The following CFAP299 variants were observed in gnomAD, a reference collection of about 807,000 sequenced individuals.
CFAP299 encodes the protein cilia- and flagella-associated protein 299.
A neutral mutation model predicts 27.0 loss-of-function variants in CFAP299; 21 were observed. The ratio of observed to expected loss-of-function variants is 0.78; its 90% CI spans 0.55 to 1.12. The LOEUF is 1.12. Among genes scored for constraint, CFAP299 ranks in the 50% most tolerant of loss-of-function variants. The pLI, the probability that CFAP299 is intolerant of heterozygous loss-of-function variation, is 0.00. For synonymous variants in CFAP299, 104 were observed against 98.1 expected, an observed-to-expected ratio of 1.06 and a Z score of -0.36; for missense variants, 310 against 276.6, an observed-to-expected ratio of 1.12 and a Z score of -0.86.
intron 3 of CFAP299, among the ~76,000 whole-genome samples, chr4:80,643,743 A>G (rs1739844088): frequency 6.6e-6 from 1 of 152,092 alleles, no homozygotes; most frequent in African/African-American, 2.4e-5. Flanking sequence ...CTGCTTAGGT[A>G]CCCCTTCACT....
intron 3 of CFAP299, among the ~76,000 whole-genome samples, chr4:80,713,669 A>G (rs146599167): frequency 0.011 from 1,634 of 152,292 alleles, 23 homozygotes; most frequent in African/African-American, 0.037. Context: ...ATGTTTAGAG[A>G]TAGTCACACA....
chr4:80,531,648 T>A (rs1733470139), intron 2 of CFAP299, among the ~76,000 whole-genome samples: 3 of 152,174 alleles, frequency 2.0e-5, no homozygotes. Flanking sequence ...TTCTGATTTG[T>A]TCAAGGTGGC....
chr4:80,942,089 G>C (rs1024580086), intron 4 of CFAP299, among the ~76,000 whole-genome samples: 3 of 152,154 alleles, frequency 2.0e-5, no homozygotes, highest in African/African-American at 7.2e-5. Flanking sequence ...TTTTTGATGG[G>C]CCCACACTAG....
At chr4:80,623,445 T>A (rs571017094) in intron 3 of CFAP299, among the ~76,000 whole-genome samples, 1 of 152,154 alleles carries the variant, frequency 6.6e-6, no homozygotes, top group Non-Finnish European at 1.5e-5. Flanking sequence ...TGGAACACGA[T>A]GGCAAAGTAG....
In CFAP299 at chr4:80,764,888, C is replaced by T. The variant is rs560307010; in HGVS notation, c.334-105105C>T. ...TCACTCATAAGTGGGAGTTGAACGACGAGAACACATGGACAAAGGAAGGGG... is the reference window on the plus strand; with the variant it reads ...TCACTCATAAGTGGGAGTTGAACGATGAGAACACATGGACAAAGGAAGGGG... On this transcript the variant is annotated intron_variant, in intron 3 of 5. Transcript: ENST00000358105. 2.0e-3 allele frequency among the ~76,000 whole-genome samples: 297 copies of T among 151,838 alleles called. 2 individuals are homozygous for T. The highest frequency in any genetic ancestry group is 2.5e-3 in the South Asian group (12 of 4,808).
intron 3 of CFAP299, among the ~76,000 whole-genome samples, chr4:80,735,585 CT>C (rs1723809271): frequency 6.6e-6 from 1 of 152,018 alleles, no homozygotes; most frequent in Non-Finnish European, 1.5e-5. Context: ...TCATATATGG[CT>C]TTTATTATGT....
chr4:80,659,483 G>GA (rs1217851988), intron 3 of CFAP299, among the ~76,000 whole-genome samples: 1 of 151,880 alleles, frequency 6.6e-6, no homozygotes, highest in African/African-American at 2.4e-5. Context: ...AAATAATAGG[G>GA]AAAAATCTTA....
intron 3 of CFAP299, among the ~76,000 whole-genome samples, chr4:80,858,957 G>C (rs1259397405): frequency 6.6e-6 from 1 of 151,958 alleles, no homozygotes; most frequent in African/African-American, 2.4e-5. Context: ...TCAATTCCTG[G>C]GTATCCTTGT....
intron 3 of CFAP299, among the ~76,000 whole-genome samples, chr4:80,666,311 A>G (rs1014761404): frequency 6.6e-6 from 1 of 151,876 alleles, no homozygotes; most frequent in Non-Finnish European, 1.5e-5. Context: ...AGCCTGCTCT[A>G]CCTCTTCCTT....
intron 3 of CFAP299, among the ~76,000 whole-genome samples, chr4:80,696,272 C>T (rs1057128624): frequency 1.4e-5 from 2 of 146,442 alleles, no homozygotes; most frequent in African/African-American, 5.1e-5. Context: ...GCACTCCAGC[C>T]TGGACAACAG....
At chr4:80,566,468 T>C (rs924082656) in intron 2 of CFAP299, among the ~76,000 whole-genome samples, 1 of 151,936 alleles carries the variant, frequency 6.6e-6, no homozygotes. Context: ...TGTTTTCCTC[T>C]GGTAAAGCGT....
intron 2 of CFAP299, among the ~76,000 whole-genome samples, chr4:80,393,435 CCACTGACTCACTGACT>C (rs70944778): frequency 6.6e-6 from 1 of 152,060 alleles, no homozygotes; most frequent in Admixed American, 6.6e-5. Context: ...CATTCACTCA[CCACTGACTCACTGACT>C]CACTGACTCA....
At chr4:80,914,729 C>A (rs368391952) in intron 4 of CFAP299, among the ~76,000 whole-genome samples, 1 of 152,136 alleles carries the variant, frequency 6.6e-6, no homozygotes, top group East Asian at 1.9e-4. Context: ...TCAAGAAAAT[C>A]ATCCGTTTTA....
At chr4:80,466,816 G>A (rs181028459) in intron 2 of CFAP299, among the ~76,000 whole-genome samples, 6 of 152,232 alleles carry the variant, frequency 3.9e-5, no homozygotes, top group Admixed American at 3.3e-4. Flanking sequence ...TTGCAATCTT[G>A]CATCATGTCA....
rs560381855 is a variant in CFAP299 at position 80,843,604 on chromosome 4, G to A, written c.334-26389G>A. 9.1e-4 allele frequency among the ~76,000 whole-genome samples: 139 copies of A among 152,094 alleles called. 1 individual carries two copies. The highest frequency in any genetic ancestry group is 3.0e-3 in the African/African-American group (126 of 41,496). The stretch of plus-strand genomic sequence containing the variant: ...CTTTGGGTATATACCCAGTAACGGG[G>A]TGGCTGGGTCAAATACTATTTCTAG... On this transcript the variant is annotated intron_variant, in intron 3 of 5. Transcript: ENST00000358105.
intron 2 of CFAP299, among the ~76,000 whole-genome samples, chr4:80,439,433 G>A (rs1192913221): frequency 2.0e-5 from 3 of 152,194 alleles, no homozygotes; most frequent in African/African-American, 7.2e-5. Context: ...CCTCACCCGG[G>A]AAGCTCAAGG....
At chr4:80,732,070 G>GACACACAC (rs76562370) in intron 3 of CFAP299, among the ~76,000 whole-genome samples, 1,300 of 110,498 alleles carry the variant, frequency 0.012, 27 homozygotes, top group African/African-American at 0.044. Context: ...CAGACACACA[G>GACACACAC]ACACACACAC....
chr4:80,669,965 G>A (rs116259753), intron 3 of CFAP299, among the ~76,000 whole-genome samples: 3,337 of 150,910 alleles, frequency 0.022, 55 homozygotes, highest in Non-Finnish European at 0.034. Context: ...CCCGTAGTGC[G>A]TCGTGAATTT....
chr4:80,881,846 T>C (rs760534689), intron 4 of CFAP299, among the ~76,000 whole-genome samples: 21 of 152,180 alleles, frequency 1.4e-4, no homozygotes, highest in Non-Finnish European at 2.6e-4. Context: ...GATAGACAGC[T>C]GAACATAATC....
Sources: gnomAD v4.1 joint callset for allele counts (sites outside exome capture counted in the v4.1 genomes callset) on GRCh38, gnomAD v4.1.1 for gene constraint, MANE v1.5 for transcripts, NCBI Gene and HGNC (gene_info 2026-07-23, HGNC 2026-07-21) for gene names.